The following ZC3H3 variants were observed in gnomAD, a reference collection of about 807,000 sequenced individuals.
ZC3H3 encodes the protein zinc finger CCCH-type containing 3.
ZC3H3 carries 36 observed loss-of-function variants against 77.3 expected under a neutral mutation model. The ratio of observed to expected loss-of-function variants is 0.47; its 90% CI spans 0.36 to 0.61. The LOEUF is 0.61. Ranked by LOEUF, ZC3H3 falls within the 20% of genes least tolerant of loss-of-function variation. The pLI is 0.00. For missense variants in ZC3H3, 1,331 were observed against 1,312.2 expected (o/e 1.01, Z -0.22); for synonymous variants, 626 against 555.2 (o/e 1.13, Z -1.79).
chr8:143,499,885 G>A (rs1288247978), intron 4 of ZC3H3, among the ~76,000 whole-genome samples: 30 of 152,184 alleles, frequency 2.0e-4, no homozygotes, highest in African/African-American at 1.9e-4. Flanking sequence ...GAGCCACACC[G>A]GCCCTCACAG....
chr8:143,456,104 G>A (rs1820112430), intron 9 of ZC3H3, among the ~76,000 whole-genome samples: 1 of 151,976 alleles, frequency 6.6e-6, no homozygotes, highest in Admixed American at 6.6e-5. Context: ...TATCCATGAG[G>A]GATCTTGGAA....
chr8:143,540,120 A>C lies in ZC3H3; in HGVS notation c.47-800T>G, dbSNP rs1377664. On this transcript the variant is annotated intron_variant, in intron 1 of 11. Transcript: ENST00000262577. Reference sequence around the variant, plus strand: ...AGCTCAAGAAGTGTCCCCAAGTGGGAGGCAGCCCACCTGGCCTCTTATCCA... The same window carrying C: ...AGCTCAAGAAGTGTCCCCAAGTGGGCGGCAGCCCACCTGGCCTCTTATCCA... Among the ~76,000 whole-genome samples, 1,274 of 152,388 alleles carry C rather than the reference A, an allele frequency of 8.4e-3. 9 individuals carry two copies. Among genetic ancestry groups the C allele is most frequent in the African/African-American group, 0.029 (1,207 of 41,592 alleles).
At chr8:143,508,389 C>T (rs1821773100) in intron 3 of ZC3H3, among the ~76,000 whole-genome samples, 1 of 152,348 alleles carries the variant, frequency 6.6e-6, no homozygotes, top group African/African-American at 2.4e-5. Flanking sequence ...GGAGCACTCA[C>T]CTCCTCAAGC....
In ZC3H3 at chr8:143,493,698, G is replaced by A. The variant is rs1028517056; in HGVS notation, c.1715+14048C>T. On this transcript the variant is annotated intron_variant, in intron 4 of 11. Coordinates refer to ENST00000262577, the MANE Select transcript of ZC3H3 (RefSeq NM_015117.3). The surrounding 1 kb of genome is among the most constrained non-coding windows in gnomAD (Gnocchi z 4.8). ...GCTAGCAGCTTCTGTGGCACCTTCC[G>A]TGCAAAACCGTATCTCAGCCCATTT... Among the ~76,000 whole-genome samples the A allele has an allele frequency of 4.6e-5, 7 of 152,276 alleles. No individual in the cohort carries two copies. The highest frequency in any genetic ancestry group is 2.1e-4 in the South Asian group (1 of 4,824).
At chr8:143,539,698 G>A (rs1490372629) in intron 1 of ZC3H3, among the ~76,000 whole-genome samples, 3 of 152,202 alleles carry the variant, frequency 2.0e-5, no homozygotes, top group African/African-American at 4.8e-5. Flanking sequence ...TGAATCAGAG[G>A]GGACAAGTGG....
intron 4 of ZC3H3, among the ~76,000 whole-genome samples, chr8:143,477,372 A>C (rs1400121638): frequency 6.6e-6 from 1 of 151,770 alleles, no homozygotes; most frequent in Non-Finnish European, 1.5e-5. Context: ...CCCACCTCCC[A>C]CCTATCCTGT....
intron 3 of ZC3H3, among the ~76,000 whole-genome samples, chr8:143,529,856 G>A (rs1822545208): frequency 6.6e-6 from 1 of 152,190 alleles, no homozygotes. Context: ...TCGGACTCGG[G>A]GAATGGGCAT....
rs73715615 is a variant in ZC3H3, at chr8:143,480,101, G to A, written c.1716-4516C>T. On this transcript the variant is annotated intron_variant, in intron 4 of 11. Transcript: ENST00000262577. Reference sequence around the variant, plus strand: ...CTAGGCACAGGTAGCAACAGTGGGGGCCGGGCGGACCTCTGGCTCTCGACC... The same window carrying A: ...CTAGGCACAGGTAGCAACAGTGGGGACCGGGCGGACCTCTGGCTCTCGACC... Among the ~76,000 whole-genome samples the A allele has an allele frequency of 2.8e-3, 421 of 152,336 alleles. 2 individuals are homozygous for A. Among genetic ancestry groups the A allele is most frequent in the African/African-American group, 9.6e-3 (398 of 41,574 alleles).
chr8:143,506,456 G>C (rs1184698414), intron 4 of ZC3H3, among the ~76,000 whole-genome samples: 3 of 152,098 alleles, frequency 2.0e-5, no homozygotes, highest in Non-Finnish European at 4.4e-5. Flanking sequence ...ATTAGGAAAG[G>C]CCATGCTCAC....
chr8:143,540,382 A>G (rs1822971522), intron 1 of ZC3H3, among the ~76,000 whole-genome samples: 2 of 152,052 alleles, frequency 1.3e-5, no homozygotes, highest in African/African-American at 2.4e-5. Context: ...GCAAGCCACC[A>G]CGCCCATCTC....
chr8:143,446,564 A>G (rs902078793), intron 9 of ZC3H3, among the ~76,000 whole-genome samples: 6 of 152,278 alleles, frequency 3.9e-5, no homozygotes, highest in African/African-American at 1.2e-4. Flanking sequence ...GAAGACACAA[A>G]GGCCTTAGAA....
chr8:143,437,935 T>C lies in ZC3H3; in HGVS notation c.*121A>G, dbSNP rs372092723. The C allele has an allele frequency of 1.1e-3, 1,473 of 1,360,836 alleles. 23 individuals carry two copies. In the South Asian group the frequency reaches 0.017, roughly 16 times the overall value. 84.3% of individuals were successfully genotyped at this position (1,360,836 alleles called of 1,614,324 possible). ...GGCCAGGCAGGCAGAGCAGTGTCCCTGTGGCCCCCAGGTGAGGCTTGGTGG... is the reference window on the plus strand; with the variant it reads ...GGCCAGGCAGGCAGAGCAGTGTCCCCGTGGCCCCCAGGTGAGGCTTGGTGG... On this transcript the variant is annotated 3_prime_UTR_variant, in exon 12 of 12. Coordinates refer to ENST00000262577, the MANE Select transcript of ZC3H3 (RefSeq NM_015117.3).
At position 143,492,686 on chromosome 8, in the gene ZC3H3, C is replaced by T. The variant is rs562019471; in HGVS notation, c.1715+15060G>A. Among the ~76,000 whole-genome samples the T allele has an allele frequency of 8.6e-5, 13 of 151,608 alleles. 1 individual carries two copies. The South Asian group carries it at 2.7e-3, about 32-fold the overall frequency. Reference sequence around the variant, plus strand: ...ACAGCAAAGGAAGAAGGCGCCCTGGCCCAGGGGCTCCCTCCTCAGGGTCCC... The same window carrying T: ...ACAGCAAAGGAAGAAGGCGCCCTGGTCCAGGGGCTCCCTCCTCAGGGTCCC... On this transcript the variant is annotated intron_variant, in intron 4 of 11. Transcript: ENST00000262577.
intron 9 of ZC3H3, among the ~76,000 whole-genome samples, chr8:143,445,539 C>A (rs1819845402): frequency 6.6e-6 from 1 of 151,684 alleles, no homozygotes; most frequent in African/African-American, 2.4e-5. Context: ...TAAAAAAAAA[C>A]AAAATTAGCC....
chr8:143,440,647 C>A (rs1563830385), intron 10 of ZC3H3, among the ~76,000 whole-genome samples: 1 of 152,192 alleles, frequency 6.6e-6, no homozygotes, highest in Non-Finnish European at 1.5e-5. Flanking sequence ...AGGGGGCCCC[C>A]AGACTCCTCC....
intron 4 of ZC3H3, among the ~76,000 whole-genome samples, chr8:143,477,109 C>T (rs1820756905): frequency 6.6e-6 from 1 of 152,220 alleles, no homozygotes; most frequent in African/African-American, 2.4e-5. Context: ...CCCTGCAACC[C>T]CTCCGGGCCT....
chr8:143,527,498 G>T (rs1304799878), intron 3 of ZC3H3, among the ~76,000 whole-genome samples: 3 of 152,182 alleles, frequency 2.0e-5, no homozygotes, highest in Non-Finnish European at 2.9e-5. Context: ...TCCCACGCCA[G>T]TTCTGTGAAG....
Position 143,478,928 on chromosome 8 carries a change from G to A in ZC3H3, c.1716-3343C>T, listed in dbSNP as rs139019043. On this transcript the variant is annotated intron_variant, in intron 4 of 11. Coordinates refer to ENST00000262577, the MANE Select transcript of ZC3H3 (RefSeq NM_015117.3). ...CCAGAGGACATTAGAGGATCTGGGC[G>A]GAATGGAGATGTGGCAGCCCCTGCT... Among the ~76,000 whole-genome samples the A allele has an allele frequency of 5.5e-3, 834 of 152,368 alleles. 5 individuals carry two copies. Among genetic ancestry groups the A allele is most frequent in the African/African-American group, 0.017 (723 of 41,586 alleles).
intron 3 of ZC3H3, among the ~76,000 whole-genome samples, chr8:143,526,989 G>A (rs1012678845): frequency 1.3e-5 from 2 of 152,158 alleles, no homozygotes; most frequent in Admixed American, 6.5e-5. Flanking sequence ...CTGAGAGGCC[G>A]GCACAGGAAG....
Sources: gnomAD v4.1 joint callset for allele counts (sites outside exome capture counted in the v4.1 genomes callset) on GRCh38, gnomAD v4.1.1 for gene constraint, Gnocchi (gnomAD v3.1) non-coding constraint, MANE v1.5 for transcripts, NCBI Gene and HGNC (gene_info 2026-07-23, HGNC 2026-07-21) for gene names.